Variants in BRINP3 observed in about 807,000 individuals in gnomAD.
The protein encoded by BRINP3 is BMP/retinoic acid-inducible neural-specific protein 3.
A neutral mutation model predicts 71.0 loss-of-function variants in BRINP3; 19 were observed. The ratio of observed to expected loss-of-function variants is 0.27; its 90% CI spans 0.19 to 0.39. The LOEUF is 0.39. BRINP3 is among the 10% of genes least tolerant of loss of function. The probability of loss-of-function intolerance (pLI) is 1.00; values close to 1 mark genes in which losing one functional copy is unlikely to be tolerated. For synonymous variants in BRINP3, 380 were observed against 337.7 expected, an observed-to-expected ratio of 1.13 and a Z score of -1.37; for missense variants, 959 against 940.8, an observed-to-expected ratio of 1.02 and a Z score of -0.25.
At chr1:190,231,616 G>A (rs1657997104) in intron 5 of BRINP3, among the ~76,000 whole-genome samples, 1 of 151,636 alleles carries the variant, frequency 6.6e-6, no homozygotes, top group Non-Finnish European at 1.5e-5. Context: ...AAAAATTGAA[G>A]TATTATTTCA....
intron 2 of BRINP3, among the ~76,000 whole-genome samples, chr1:190,399,173 G>T (rs1671768883): frequency 6.6e-6 from 1 of 151,834 alleles, no homozygotes; most frequent in Non-Finnish European, 1.5e-5. Context: ...ATACATGCTA[G>T]GTATAGGTGA....
At chr1:190,113,378 A>G (rs1557977663) in intron 7 of BRINP3, among the ~76,000 whole-genome samples, 1 of 152,012 alleles carries the variant, frequency 6.6e-6, no homozygotes, top group African/African-American at 2.4e-5. Context: ...TATTATCTTT[A>G]TTTAGAGAGG....
At chr1:190,287,445 T>G (rs1473908425) in intron 2 of BRINP3, among the ~76,000 whole-genome samples, 2 of 152,046 alleles carry the variant, frequency 1.3e-5, no homozygotes, top group African/African-American at 4.8e-5. Flanking sequence ...TAAAATAAAT[T>G]TAATAGTAGT....
intron 6 of BRINP3, among the ~76,000 whole-genome samples, chr1:190,163,963 ACT>A (rs1651249531): frequency 6.6e-6 from 1 of 152,190 alleles, no homozygotes; most frequent in Non-Finnish European, 1.5e-5. Flanking sequence ...TGGTTTCATA[ACT>A]CTGTTAGCAA....
intron 2 of BRINP3, among the ~76,000 whole-genome samples, chr1:190,361,696 C>T (rs1245894378): frequency 1.3e-5 from 2 of 152,130 alleles, no homozygotes; most frequent in Non-Finnish European, 2.9e-5. Flanking sequence ...GCCACCATGC[C>T]TGGCCAAGAC....
At chr1:190,122,088 A>C (rs1389794651) in intron 7 of BRINP3, among the ~76,000 whole-genome samples, 1 of 152,172 alleles carries the variant, frequency 6.6e-6, no homozygotes, top group Admixed American at 6.5e-5. Context: ...TGAGAACTCC[A>C]CTTGTAAGAT....
chr1:190,181,879 C>T (rs926143041), intron 6 of BRINP3, among the ~76,000 whole-genome samples: 2 of 151,968 alleles, frequency 1.3e-5, no homozygotes, highest in African/African-American at 4.8e-5. Context: ...ACTTTGCTAG[C>T]CATTAATTTA....
chr1:190,229,961 T>A (rs896990634), intron 5 of BRINP3, among the ~76,000 whole-genome samples: 1 of 151,804 alleles, frequency 6.6e-6, no homozygotes, highest in Non-Finnish European at 1.5e-5. Flanking sequence ...ACAGACAATA[T>A]GGCAAGGAAC....
chr1:190,284,628 C>G (rs1488600809), intron 2 of BRINP3, among the ~76,000 whole-genome samples: 2 of 151,994 alleles, frequency 1.3e-5, no homozygotes, highest in Non-Finnish European at 2.9e-5. Context: ...GGACAACTTT[C>G]CAGAGAGCTT....
chr1:190,120,001 A>G (rs1189967952), intron 7 of BRINP3, among the ~76,000 whole-genome samples: 29 of 152,224 alleles, frequency 1.9e-4, no homozygotes, highest in Admixed American at 1.9e-3. Flanking sequence ...CACATCTAGC[A>G]AGTAGATATG....
intron 7 of BRINP3, among the ~76,000 whole-genome samples, chr1:190,144,847 A>G (rs815341): frequency 0.38 from 58,469 of 151,910 alleles, 11,598 homozygotes; most frequent in African/African-American, 0.49. Context: ...GAGCACTCCA[A>G]GCCCCACTGC....
At chr1:190,301,559 A>C (rs1474136732) in intron 2 of BRINP3, among the ~76,000 whole-genome samples, 1 of 151,636 alleles carries the variant, frequency 6.6e-6, no homozygotes, top group African/African-American at 2.4e-5. Context: ...AATTTTATGT[A>C]ATGTCCTGAA....
chr1:190,469,846 C>A (rs1242344839), intron 1 of BRINP3, among the ~76,000 whole-genome samples: 1 of 151,028 alleles, frequency 6.6e-6, no homozygotes, highest in Admixed American at 6.6e-5. Flanking sequence ...TCATACTCAA[C>A]CTTCATGCAG....
chr1:190,326,726 A>C (rs1315291379), intron 2 of BRINP3, among the ~76,000 whole-genome samples: 1 of 152,136 alleles, frequency 6.6e-6, no homozygotes, highest in African/African-American at 2.4e-5. Context: ...AATAACAAAT[A>C]AAATATTTTC....
At chr1:190,454,103 A>T (rs1337461021) in intron 2 of BRINP3, among the ~76,000 whole-genome samples, 1 of 152,214 alleles carries the variant, frequency 6.6e-6, no homozygotes, top group Non-Finnish European at 1.5e-5. Flanking sequence ...TAGATGTTAA[A>T]GATCATATAT....
At chr1:190,428,197 T>C (rs900263271) in intron 2 of BRINP3, among the ~76,000 whole-genome samples, 5 of 151,932 alleles carry the variant, frequency 3.3e-5, no homozygotes, top group Non-Finnish European at 5.9e-5. Flanking sequence ...GGTATGCTTT[T>C]CCTGAATAAA....
chr1:190,135,898 T>C (rs925817520), intron 7 of BRINP3, among the ~76,000 whole-genome samples: 2 of 152,078 alleles, frequency 1.3e-5, no homozygotes, highest in Admixed American at 1.3e-4. Context: ...CTTATCTCTA[T>C]ACCAAGACAC....
chr1:190,099,101 A>G lies in BRINP3; in HGVS notation c.1218T>C (p.Ser406=). The change falls in exon 8 of 8, where the codon TCT becomes TCC. Residue 406 remains serine (S), a synonymous_variant. Transcript: ENST00000367462. ...GGCCGTTCTCATTGCAGTAGAGAAA[A>G]GACTGGATGCGAGTAAGCCAGTAGG... The part of the protein sequence containing the change: ...TSTYWLTRIQ[S]FLYCNENGLL... The G allele has an allele frequency of 6.2e-7, 1 of 1,614,084 alleles. No individual in the cohort carries two copies. Among genetic ancestry groups the G allele is most frequent in the Non-Finnish European group, 8.5e-7 (1 of 1,179,958 alleles).
chr1:190,408,415 C>T (rs919366552), intron 2 of BRINP3, among the ~76,000 whole-genome samples: 5 of 151,662 alleles, frequency 3.3e-5, no homozygotes, highest in African/African-American at 4.8e-5. Flanking sequence ...TTTTTCAAAA[C>T]GATTTTCCAT....
Sources: allele counts gnomAD v4.1 joint callset (sites outside exome capture counted in the v4.1 genomes callset), GRCh38; gene constraint gnomAD v4.1.1; transcripts MANE v1.5; gene names NCBI Gene and HGNC (gene_info 2026-07-23, HGNC 2026-07-21).